TTBK2: variants seen among roughly 807,000 people sequenced by gnomAD.
TTBK2 encodes the protein tau tubulin kinase 2.
A neutral mutation model predicts 110.8 loss-of-function variants in TTBK2; 28 were observed. The ratio of observed to expected loss-of-function variants is 0.25; its 90% CI spans 0.19 to 0.35. TTBK2 has a LOEUF of 0.35. Ranked by LOEUF, TTBK2 falls within the 10% of genes least tolerant of loss-of-function variation. TTBK2 has a pLI of 1.00. For missense variants in TTBK2, 1,369 were observed against 1,500.3 expected, an observed-to-expected ratio of 0.91 and a Z score of 1.45; for synonymous variants, 532 against 527.3, an observed-to-expected ratio of 1.01 and a Z score of -0.12.
At chr15:42,759,229 C>A (rs544433553) in intron 13 of TTBK2, among the ~76,000 whole-genome samples, 30 of 152,320 alleles carry the variant, frequency 2.0e-4, no homozygotes, top group Admixed American at 1.0e-3. Context: ...TCTGGCAGTC[C>A]CACACAGGGC....
intron 1 of TTBK2, among the ~76,000 whole-genome samples, chr15:42,906,339 A>G (rs2030396339): frequency 6.6e-6 from 1 of 152,250 alleles, no homozygotes; most frequent in African/African-American, 2.4e-5. Context: ...ACGGAGGCCC[A>G]GAATTGAAAC....
At position 42,794,790 on chromosome 15, in the gene TTBK2, G is replaced by A. The variant is rs373906090; in HGVS notation, c.834C>T (p.Ser278=). 2.9e-5 allele frequency: 47 copies of A among 1,613,874 alleles called. No homozygotes were observed. Among genetic ancestry groups the A allele is most frequent in the Admixed American group, 8.3e-5 (5 of 59,994 alleles). ...FTKPDYQLLT[S]VFDNSIKTFG... is the part of the protein sequence containing the mutation. ...AAGTCTTGATGCTATTGTCAAACAC[G>A]GATGTAAGAAGCTAAACCACAAAGA... The change falls in exon 10 of 15, where the codon TCC becomes TCT. Residue 278 remains serine, a synonymous_variant. Transcript: ENST00000267890.
At chr15:42,859,667 C>G (rs1214787746) in intron 3 of TTBK2, among the ~76,000 whole-genome samples, 1 of 152,044 alleles carries the variant, frequency 6.6e-6, no homozygotes, top group Non-Finnish European at 1.5e-5. Context: ...TACATTATGT[C>G]TAGCCATCAA....
chr15:42,750,530 T>C (rs73410969), intron 14 of TTBK2, among the ~76,000 whole-genome samples: 9,512 of 151,664 alleles, frequency 0.063, 691 homozygotes, highest in African/African-American at 0.19. Context: ...ATCAGCAAAC[T>C]TGAAGACAGG....
intron 13 of TTBK2, among the ~76,000 whole-genome samples, chr15:42,762,332 T>A (rs778737013): frequency 2.0e-5 from 3 of 152,220 alleles, no homozygotes; most frequent in Non-Finnish European, 4.4e-5. Context: ...TGAAGAGATA[T>A]CTGCACACTC....
At chr15:42,792,198 T>TC (rs1890718794) in intron 10 of TTBK2, among the ~76,000 whole-genome samples, 1 of 152,174 alleles carries the variant, frequency 6.6e-6, no homozygotes, top group Admixed American at 6.5e-5. Context: ...TTTGAAATGT[T>TC]CCCAACACAA....
chr15:42,757,667 T>C (rs1180844084), intron 13 of TTBK2, among the ~76,000 whole-genome samples: 1 of 152,214 alleles, frequency 6.6e-6, no homozygotes, highest in Non-Finnish European at 1.5e-5. Flanking sequence ...TTCCTTAAAC[T>C]ATAAAGACAT....
chr15:42,839,905 G>C (rs1210087133), intron 4 of TTBK2, among the ~76,000 whole-genome samples: 2 of 152,134 alleles, frequency 1.3e-5, no homozygotes, highest in Non-Finnish European at 2.9e-5. Flanking sequence ...GAAGTCCCTT[G>C]CAAGATATGG....
At chr15:42,822,807 G>A (rs541051936) in intron 6 of TTBK2, among the ~76,000 whole-genome samples, 1 of 152,330 alleles carries the variant, frequency 6.6e-6, no homozygotes, top group Admixed American at 6.5e-5. Context: ...ACAGAGAGAT[G>A]AGTGAGGAAA....
chr15:42,764,593 A>G (rs1323505915), intron 13 of TTBK2, among the ~76,000 whole-genome samples: 1 of 152,264 alleles, frequency 6.6e-6, no homozygotes, highest in Non-Finnish European at 1.5e-5. Flanking sequence ...TAGGTAAATA[A>G]AGCAGCCAGG....
intron 1 of TTBK2, among the ~76,000 whole-genome samples, chr15:42,905,342 C>G (rs1035050456): frequency 6.6e-6 from 1 of 152,192 alleles, no homozygotes; most frequent in African/African-American, 2.4e-5. Flanking sequence ...GGCATAATCC[C>G]AGCTCATTGC....
intron 13 of TTBK2, among the ~76,000 whole-genome samples, chr15:42,771,658 T>G (rs1182504283): frequency 6.6e-6 from 1 of 152,242 alleles, no homozygotes; most frequent in African/African-American, 2.4e-5. Context: ...TCAAAAGATG[T>G]TGGCTAACAG....
At chr15:42,757,166 G>A (rs1386152592) in intron 13 of TTBK2, among the ~76,000 whole-genome samples, 1 of 151,832 alleles carries the variant, frequency 6.6e-6, no homozygotes, top group Non-Finnish European at 1.5e-5. Context: ...AGGTGCAGTG[G>A]TGCAATCACA....
intron 1 of TTBK2, among the ~76,000 whole-genome samples, chr15:42,907,687 G>GA (rs973885237): frequency 6.6e-6 from 1 of 151,378 alleles, no homozygotes; most frequent in Non-Finnish European, 1.5e-5. Flanking sequence ...GAAGAAATGG[G>GA]AAAAAAAGAA....
At chr15:42,755,629 TC>T (rs1339970918) in intron 13 of TTBK2, among the ~76,000 whole-genome samples, 4 of 152,164 alleles carry the variant, frequency 2.6e-5, no homozygotes, top group Non-Finnish European at 5.9e-5. Flanking sequence ...TAAGCACAAA[TC>T]TAAAATGACC....
At chr15:42,862,236 G>GA (rs1383163878) in intron 3 of TTBK2, among the ~76,000 whole-genome samples, 1 of 152,004 alleles carries the variant, frequency 6.6e-6, no homozygotes, top group African/African-American at 2.4e-5. Flanking sequence ...TTCATTCTAT[G>GA]AAACCTGCAT....
chr15:42,748,835 A>T (rs547736914), intron 14 of TTBK2, among the ~76,000 whole-genome samples: 1 of 152,248 alleles, frequency 6.6e-6, no homozygotes, highest in Non-Finnish European at 1.5e-5. Flanking sequence ...CATGCAGTAT[A>T]TACTAAAGCA....
chr15:42,885,072 C>T (rs1441423008), intron 1 of TTBK2, among the ~76,000 whole-genome samples: 2 of 152,216 alleles, frequency 1.3e-5, no homozygotes, highest in Admixed American at 1.3e-4. Context: ...ATAATCCCAC[C>T]ACCCTTGCTG....
chr15:42,911,516 A>G (rs537294957), intron 1 of TTBK2, among the ~76,000 whole-genome samples: 2 of 152,314 alleles, frequency 1.3e-5, no homozygotes, highest in South Asian at 2.1e-4. Flanking sequence ...GTTTTGGCCA[A>G]TGGGACATTA....
Sources: gnomAD v4.1 joint callset for allele counts (sites outside exome capture counted in the v4.1 genomes callset) on GRCh38, gnomAD v4.1.1 for gene constraint, MANE v1.5 for transcripts, NCBI Gene and HGNC (gene_info 2026-07-23, HGNC 2026-07-21) for gene names.